PRKCB: variants seen among roughly 807,000 people sequenced by gnomAD.
PRKCB encodes the protein protein kinase C beta, also known as protein kinase C beta type.
PRKCB carries 13 observed loss-of-function variants against 81.5 expected under a neutral mutation model. The observed-to-expected ratio is 0.16, with a 90% CI of 0.10 to 0.25. The LOEUF (loss-of-function observed/expected upper bound fraction) is 0.25. Ranked by LOEUF, PRKCB falls within the 10% of genes least tolerant of loss-of-function variation. The probability of loss-of-function intolerance (pLI) is 1.00; values close to 1 mark genes in which losing one functional copy is unlikely to be tolerated. For synonymous variants in PRKCB, 335 were observed against 321.4 expected (o/e 1.04, Z -0.45); for missense variants, 509 against 875.7 (o/e 0.58, Z 5.29).
At chr16:24,198,226 A>G (rs1206679793) in intron 16 of PRKCB, among the ~76,000 whole-genome samples, 2 of 152,238 alleles carry the variant, frequency 1.3e-5, no homozygotes, top group East Asian at 3.9e-4. Flanking sequence ...ATGCTAGGTA[A>G]TATGTTCACA....
intron 2 of PRKCB, among the ~76,000 whole-genome samples, chr16:23,881,986 C>CTT (rs372214141): frequency 4.2e-5 from 1 of 23,866 alleles, no homozygotes; most frequent in African/African-American, 1.1e-4. Flanking sequence ...TTCTTTCTTT[C>CTT]TTTCTTTCTT....
At chr16:23,913,362 C>T (rs1963691005) in intron 2 of PRKCB, among the ~76,000 whole-genome samples, 1 of 152,048 alleles carries the variant, frequency 6.6e-6, no homozygotes, top group Non-Finnish European at 1.5e-5. Flanking sequence ...TCTGACTGGC[C>T]AGGCTTAGTC....
intron 4 of PRKCB, 34 bp from the exon 5 acceptor site, chr16:24,035,385 G>A (rs746775026): frequency 2.5e-6 from 4 of 1,608,464 alleles, no homozygotes; most frequent in East Asian, 4.5e-5. Flanking sequence ...GCCTGGGCCA[G>A]CCTAAGCCAC....
intron 2 of PRKCB, among the ~76,000 whole-genome samples, chr16:23,882,079 CTT>C (rs59918178): frequency 0.75 from 65,953 of 87,430 alleles, 26,575 homozygotes; most frequent in East Asian, 0.97. Flanking sequence ...TCTTTCTTTC[CTT>C]TTTTTTTTTT....
At chr16:24,032,297 G>A (rs1384418598) in intron 4 of PRKCB, 50 bp downstream of exon 4, 3 of 1,363,458 alleles carry the variant, frequency 2.2e-6, no homozygotes, top group African/African-American at 1.4e-5. Context: ...GAAGCAATGG[G>A]AAGGGCTGCT....
intron 9 of PRKCB, among the ~76,000 whole-genome samples, chr16:24,140,945 G>A (rs1304352032): frequency 2.0e-5 from 3 of 152,170 alleles, no homozygotes; most frequent in Non-Finnish European, 4.4e-5. Context: ...CCCAAGTCCA[G>A]AAATGACTAA....
chr16:23,974,389 C>A (rs1254469824), intron 2 of PRKCB, among the ~76,000 whole-genome samples: 1 of 152,064 alleles, frequency 6.6e-6, no homozygotes, highest in Non-Finnish European at 1.5e-5. Context: ...GAGAGAGAGT[C>A]CACAGGGTAG....
At chr16:24,052,006 A>C (rs984741605) in intron 5 of PRKCB, among the ~76,000 whole-genome samples, 9 of 151,266 alleles carry the variant, frequency 5.9e-5, no homozygotes, top group African/African-American at 1.5e-4. Flanking sequence ...GCTACTCAGG[A>C]GGCTGAGGCA....
chr16:24,198,248 A>G (rs1967907398), intron 16 of PRKCB, among the ~76,000 whole-genome samples: 1 of 152,236 alleles, frequency 6.6e-6, no homozygotes, highest in Non-Finnish European at 1.5e-5. Context: ...TGAAATGCCT[A>G]ATGGAGAGTT....
intron 2 of PRKCB, among the ~76,000 whole-genome samples, chr16:23,838,757 C>T (rs1467546621): frequency 2.6e-5 from 4 of 152,222 alleles, no homozygotes; most frequent in Admixed American, 6.5e-5. Context: ...CTGTGCTCCT[C>T]TGAGACTCTT....
intron 2 of PRKCB, among the ~76,000 whole-genome samples, chr16:23,909,419 T>C (rs1257438641): frequency 6.6e-6 from 1 of 152,200 alleles, no homozygotes; most frequent in Non-Finnish European, 1.5e-5. Flanking sequence ...TTTCTCCTTG[T>C]ATTCTCACGT....
At chr16:24,159,009 C>T (rs1967212994) in intron 10 of PRKCB, among the ~76,000 whole-genome samples, 1 of 152,268 alleles carries the variant, frequency 6.6e-6, no homozygotes, top group African/African-American at 2.4e-5. Context: ...ACCTGACACC[C>T]CTGGGTTAGA....
intron 5 of PRKCB, among the ~76,000 whole-genome samples, chr16:24,066,010 T>G (rs1567362206): frequency 6.6e-6 from 1 of 152,108 alleles, no homozygotes; most frequent in Admixed American, 6.6e-5. Flanking sequence ...GTTGCCTTTA[T>G]GCAATCTGTA....
chr16:24,118,425 G>A (rs8053209), intron 8 of PRKCB, among the ~76,000 whole-genome samples: 49,266 of 152,134 alleles, frequency 0.32, 8,785 homozygotes, highest in East Asian at 0.71. Flanking sequence ...GCTTTGGAAG[G>A]GCTGCTTGGA....
intron 2 of PRKCB, among the ~76,000 whole-genome samples, chr16:23,928,583 T>C (rs1262440537): frequency 6.6e-6 from 1 of 152,038 alleles, no homozygotes; most frequent in Non-Finnish European, 1.5e-5. Context: ...GACAAGTGAC[T>C]GAGCTAGGAG....
At chr16:24,086,650 T>A (rs977966102) in intron 5 of PRKCB, among the ~76,000 whole-genome samples, 26 of 152,234 alleles carry the variant, frequency 1.7e-4, no homozygotes, top group Admixed American at 1.6e-3. Context: ...TTGTAAATTG[T>A]TTTAATAACA....
In PRKCB at chr16:24,021,340, TTCC is replaced by T. The variant is rs1965397493; in HGVS notation, c.289-10794_289-10792del. 3.0e-5 allele frequency among the ~76,000 whole-genome samples: 2 copies of T among 66,228 alleles called. 1 individual carries two copies. The highest frequency in any genetic ancestry group is 5.3e-5 in the Non-Finnish European group (2 of 37,970). The allele number at this position is 66,228 out of a possible 152,430, so 43.4% of individuals were successfully genotyped here. A position where few individuals can be genotyped will look rare whatever the true frequency, so the allele number is the denominator to read the frequency against. On this transcript the variant is annotated intron_variant, in intron 3 of 16. Coordinates refer to ENST00000643927, the MANE Select transcript of PRKCB (RefSeq NM_002738.7). Reference sequence around the variant, plus strand: ...CTTCCTTCCTTCCTTCCTTCCTTCCTTCCTTCCTTCCTTCCTCCTTCCCTCCCT... The same window carrying T: ...CTTCCTTCCTTCCTTCCTTCCTTCCTTTCCTTCCTTCCTCCTTCCCTCCCT...
At chr16:24,185,892 A>T (rs1183675759) in intron 15 of PRKCB, among the ~76,000 whole-genome samples, 1 of 152,226 alleles carries the variant, frequency 6.6e-6, no homozygotes, top group Non-Finnish European at 1.5e-5. Flanking sequence ...GCTGGAAGTC[A>T]TGGGAAAGGG....
intron 5 of PRKCB, among the ~76,000 whole-genome samples, chr16:24,056,854 C>A (rs755036900): frequency 1.1e-4 from 16 of 152,128 alleles, no homozygotes; most frequent in Non-Finnish European, 1.9e-4. Flanking sequence ...TATAAAGTAC[C>A]CAGCCTCAGG....
Sources: allele counts gnomAD v4.1 joint callset (sites outside exome capture counted in the v4.1 genomes callset), GRCh38; gene constraint gnomAD v4.1.1; transcripts MANE v1.5; gene names NCBI Gene and HGNC (gene_info 2026-07-23, HGNC 2026-07-21).